The following CALN1 variants were observed in gnomAD, a reference collection of about 807,000 sequenced individuals.
CALN1 encodes the protein calcium-binding protein 8.
In CALN1, 17 loss-of-function variants were observed where a neutral mutation model predicts 30.6. That is an observed-to-expected ratio of 0.56 (90% CI 0.38 to 0.83). The LOEUF (loss-of-function observed/expected upper bound fraction) is 0.83, where lower values mean the gene tolerates loss of function less well. Ranked by LOEUF, CALN1 falls within the 40% of genes least tolerant of loss-of-function variation. CALN1 has a pLI of 0.00. For missense variants in CALN1, 291 were observed against 354.9 expected, an observed-to-expected ratio of 0.82 and a Z score of 1.45; for synonymous variants, 156 against 131.4, an observed-to-expected ratio of 1.19 and a Z score of -1.28.
chr7:72,403,424 C>G lies in CALN1; in HGVS notation c.-55G>C. The stretch of plus-strand genomic sequence containing the variant: ...AGTTAGAAGCTCATCAAAGGAACGT[C>G]AGCGAAGGCACTGAGACTCTGAAAG... On this transcript the variant is annotated 5_prime_UTR_variant, in exon 2 of 7. Coordinates refer to ENST00000395275, the MANE Select transcript of CALN1 (RefSeq NM_031468.4). The G allele has an allele frequency of 7.1e-7, 1 of 1,399,422 alleles. No individual in the cohort carries two copies. Among genetic ancestry groups the G allele is most frequent in the Non-Finnish European group, 9.7e-7 (1 of 1,028,434 alleles). The allele number at this position is 1,399,422 out of a possible 1,614,324, so 86.7% of individuals were successfully genotyped here. A position where few individuals can be genotyped will look rare whatever the true frequency, so the allele number is the denominator to read the frequency against.
chr7:71,878,632 A>T (rs1290571054), intron 5 of CALN1, among the ~76,000 whole-genome samples: 1 of 152,172 alleles, frequency 6.6e-6, no homozygotes, highest in Non-Finnish European at 1.5e-5. Context: ...TGACATGAAC[A>T]CCACAGGTGA....
intron 4 of CALN1, among the ~76,000 whole-genome samples, chr7:72,037,409 C>A (rs1001250450): frequency 6.6e-6 from 1 of 152,204 alleles, no homozygotes; most frequent in African/African-American, 2.4e-5. Context: ...CTCGGCCTCC[C>A]AAAGTGCTGG....
intron 5 of CALN1, among the ~76,000 whole-genome samples, chr7:71,813,185 A>G (rs1788065584): frequency 2.1e-4 from 1 of 4,794 alleles, no homozygotes; most frequent in Non-Finnish European, 3.4e-4. Flanking sequence ...AGCTGGGATT[A>G]TAGGCATGTG....
At chr7:72,379,388 G>A (rs896479202) in intron 2 of CALN1, among the ~76,000 whole-genome samples, 1 of 152,190 alleles carries the variant, frequency 6.6e-6, no homozygotes, top group Non-Finnish European at 1.5e-5. Context: ...TAATGGCAAT[G>A]GTAATAGCTA....
chr7:72,390,063 A>G (rs1805478429), intron 2 of CALN1, among the ~76,000 whole-genome samples: 1 of 151,936 alleles, frequency 6.6e-6, no homozygotes, highest in Non-Finnish European at 1.5e-5. Flanking sequence ...TGGGTGGGAG[A>G]CCAGGTTGGC....
At chr7:72,481,248 G>A in the CALN1 span, among the ~76,000 whole-genome samples, 1 of 152,024 alleles carries the variant, frequency 6.6e-6, no homozygotes, top group African/African-American at 2.4e-5. Flanking sequence ...CACTGCGCCC[G>A]GCCTAATTTT....
At chr7:72,501,370 T>TAAAAAAAAAAAAAAAAAAAAAA in the CALN1 span, among the ~76,000 whole-genome samples, 1 of 42,798 alleles carries the variant, frequency 2.3e-5, no homozygotes, top group Non-Finnish European at 3.9e-5. Flanking sequence ...ACGTCTCTAT[T>TAAAAAAAAAAAAAAAAAAAAAA]AAAAAAAAAA....
chr7:72,018,333 T>A (rs967381450), intron 5 of CALN1, among the ~76,000 whole-genome samples: 2 of 152,038 alleles, frequency 1.3e-5, no homozygotes, highest in African/African-American at 4.8e-5. Context: ...TACCCCCCAG[T>A]CCTGAGTCTC....
At chr7:72,188,504 G>A (rs187927908) in intron 3 of CALN1, among the ~76,000 whole-genome samples, 3 of 151,982 alleles carry the variant, frequency 2.0e-5, no homozygotes, top group South Asian at 2.1e-4. Flanking sequence ...TAAGCTATGA[G>A]GATTGAAAGG....
At chr7:71,960,401 G>C (rs1490228022) in intron 5 of CALN1, among the ~76,000 whole-genome samples, 1 of 151,966 alleles carries the variant, frequency 6.6e-6, no homozygotes, top group Non-Finnish European at 1.5e-5. Context: ...TGTTTAGCTC[G>C]CATTTGTAAG....
chr7:72,091,768 A>G lies in CALN1; in HGVS notation c.388+14383T>C, dbSNP rs755544315. Among the ~76,000 whole-genome samples, 139 of 152,318 alleles carry G rather than the reference A, an allele frequency of 9.1e-4. 1 individual carries two copies. Among genetic ancestry groups the G allele is most frequent in the Middle Eastern group, 3.4e-3 (1 of 294 alleles). ...GAGGGGATGGCCACTCAACTCCACCAAATTATTGCAATGAAGGAATGCAGG... is the reference window on the plus strand; with the variant it reads ...GAGGGGATGGCCACTCAACTCCACCGAATTATTGCAATGAAGGAATGCAGG... On this transcript the variant is annotated intron_variant, in intron 4 of 6. Coordinates refer to ENST00000395275, the MANE Select transcript of CALN1 (RefSeq NM_031468.4).
chr7:72,022,364 CTTAA>C (rs1469328178), intron 5 of CALN1, among the ~76,000 whole-genome samples: 1 of 152,182 alleles, frequency 6.6e-6, no homozygotes, highest in African/African-American at 2.4e-5. Context: ...TTTTCCCTCT[CTTAA>C]TTGTGTTTCC....
intron 3 of CALN1, among the ~76,000 whole-genome samples, chr7:72,193,070 C>T (rs1790738921): frequency 6.6e-6 from 1 of 151,878 alleles, no homozygotes; most frequent in Non-Finnish European, 1.5e-5. Context: ...TGCCTCTAGT[C>T]CCAGCTACTT....
intron 4 of CALN1, among the ~76,000 whole-genome samples, chr7:72,045,996 C>CAAAA (rs34011098): frequency 5.1e-4 from 46 of 90,714 alleles, no homozygotes; most frequent in African/African-American, 1.7e-3. Context: ...GACTCCCTCT[C>CAAAA]AAAAAAAAAA....
chr7:72,493,097 G>A, the CALN1 span, among the ~76,000 whole-genome samples: 23,512 of 151,814 alleles, frequency 0.15, 2,005 homozygotes, highest in African/African-American at 0.21. Flanking sequence ...CATCACCCCC[G>A]AAAGAAACTC....
intron 2 of CALN1, among the ~76,000 whole-genome samples, chr7:72,329,204 T>C (rs999063781): frequency 1.3e-5 from 2 of 152,250 alleles, no homozygotes; most frequent in African/African-American, 4.8e-5. Context: ...CACACTTAAC[T>C]GGTACGTTAG....
chr7:71,803,255 T>C (rs1208438805), intron 6 of CALN1, among the ~76,000 whole-genome samples: 1 of 152,076 alleles, frequency 6.6e-6, no homozygotes, highest in African/African-American at 2.4e-5. Flanking sequence ...GCGGGTGGAA[T>C]GTGGTCAGCA....
At chr7:72,202,610 C>T (rs1791524187) in intron 3 of CALN1, among the ~76,000 whole-genome samples, 1 of 151,964 alleles carries the variant, frequency 6.6e-6, no homozygotes, top group Admixed American at 6.6e-5. Flanking sequence ...ACCAGAATAC[C>T]ATCTACACAG....
At chr7:72,224,423 A>C (rs1275111582) in intron 3 of CALN1, among the ~76,000 whole-genome samples, 3 of 152,160 alleles carry the variant, frequency 2.0e-5, no homozygotes, top group East Asian at 3.8e-4. Flanking sequence ...ACTTCTTTTA[A>C]TGCTGTTACT....
Sources: gnomAD v4.1 joint callset for allele counts (sites outside exome capture counted in the v4.1 genomes callset) on GRCh38, gnomAD v4.1.1 for gene constraint, MANE v1.5 for transcripts, NCBI Gene and HGNC (gene_info 2026-07-23, HGNC 2026-07-21) for gene names.